The following RNF220 variants were observed in gnomAD, a reference collection of about 807,000 sequenced individuals.
RNF220 encodes the protein ring finger protein 220.
A neutral mutation model predicts 67.1 loss-of-function variants in RNF220; 7 were observed. The observed-to-expected ratio is 0.10, with a 90% CI of 0.06 to 0.20. RNF220 has a LOEUF of 0.20. RNF220 is among the 10% of genes least tolerant of loss of function. The probability of loss-of-function intolerance (pLI) is 1.00; values close to 1 mark genes in which losing one functional copy is unlikely to be tolerated. For missense variants in RNF220, 565 were observed against 740.3 expected, an observed-to-expected ratio of 0.76 and a Z score of 2.75; for synonymous variants, 270 against 283.2, an observed-to-expected ratio of 0.95 and a Z score of 0.47.
chr1:44,494,496 A>G (rs905144848), intron 2 of RNF220, among the ~76,000 whole-genome samples: 2 of 152,154 alleles, frequency 1.3e-5, no homozygotes, highest in African/African-American at 2.4e-5. Context: ...ATTTTTTTGC[A>G]TGGTACAGGC....
chr1:44,622,762 A>T lies in RNF220; in HGVS notation c.779A>T (p.Asp260Val). The T allele has an allele frequency of 6.2e-7, 1 of 1,613,986 alleles. No individual in the cohort carries two copies. The highest frequency in any genetic ancestry group is 8.5e-7 in the Non-Finnish European group (1 of 1,179,920). The change falls in exon 4 of 15, where the codon GAT (aspartate) becomes GTT (valine). Residue 260 changes from aspartate (D) to valine (V), a missense_variant. Transcript: ENST00000361799. The surrounding 1 kb of genome is among the most constrained non-coding windows in gnomAD (Gnocchi z 4.3). ...LPSSKNSLLK[D>V]AMAPGTPKSL... ...GGCAGCAAGAATTCCCTTCTGAAGG[A>T]TGCCATGGCTCCAGGCACCCCAAAG...
At chr1:44,427,021 A>G (rs779127536) in intron 2 of RNF220, among the ~76,000 whole-genome samples, 20 of 152,226 alleles carry the variant, frequency 1.3e-4, no homozygotes, top group Non-Finnish European at 2.9e-4. Flanking sequence ...TAATAATAAT[A>G]GCTGACACTT....
chr1:44,563,898 C>T (rs1298638191), intron 2 of RNF220, among the ~76,000 whole-genome samples: 1 of 152,166 alleles, frequency 6.6e-6, no homozygotes, highest in Non-Finnish European at 1.5e-5. Context: ...CCAGAGCTGA[C>T]ATCTCTTACA....
At chr1:44,519,008 G>A (rs1272258805) in intron 2 of RNF220, among the ~76,000 whole-genome samples, 1 of 151,490 alleles carries the variant, frequency 6.6e-6, no homozygotes, top group East Asian at 1.9e-4. Flanking sequence ...ATGAATGAAC[G>A]AACAAATGAA....
intron 2 of RNF220, among the ~76,000 whole-genome samples, chr1:44,563,787 G>A (rs768528743): frequency 1.3e-5 from 2 of 152,118 alleles, no homozygotes; most frequent in Non-Finnish European, 2.9e-5. Flanking sequence ...ACAGACTTAC[G>A]TCCGTGTTCT....
Position 44,650,482 on chromosome 1 carries a change from C to G in RNF220, c.1630-222C>G. 1.7e-6 allele frequency: 1 copy of G among 585,980 alleles called. No homozygotes were observed. Among genetic ancestry groups the G allele is most frequent in the Non-Finnish European group, 3.1e-6 (1 of 326,320 alleles). 36.3% of individuals were successfully genotyped at this position (585,980 alleles called of 1,614,324 possible). A position where few individuals can be genotyped will look rare whatever the true frequency, so the allele number is the denominator to read the frequency against. On this transcript the variant is annotated intron_variant, in intron 14 of 14. Transcript: ENST00000361799. This position sits in a 1 kb window ranked among gnomAD's most constrained non-coding sequence, Gnocchi z 4.3. The stretch of plus-strand genomic sequence containing the variant: ...CCCAGCCTTGTTCTCATTACTGGGG[C>G]TCCTGCTGCGGGGCTGGCCAGGCGG...
rs202135114 is a variant in RNF220 at position 44,451,630 on chromosome 1, AT to A, written c.625+38917del. 4.0e-4 allele frequency among the ~76,000 whole-genome samples: 60 copies of A among 150,446 alleles called. 1 individual carries two copies. The East Asian group carries it at 0.011, about 28-fold the overall frequency. On this transcript the variant is annotated intron_variant, in intron 2 of 14. Coordinates refer to ENST00000361799, the MANE Select transcript of RNF220 (RefSeq NM_018150.4). ...TCTTTTTTATTTTTGATTTTATTTT[AT>A]TTTTTTTTGAGACGGAGTCTGGCTC...
In RNF220 at chr1:44,621,733, T is replaced by A. The variant is rs1348753864; in HGVS notation, c.759-1009T>A. On this transcript the variant is annotated intron_variant, in intron 3 of 14. Transcript: ENST00000361799. This position sits in a 1 kb window ranked among gnomAD's most constrained non-coding sequence, Gnocchi z 4.8. ...ACTCGTTAAGTCCCTATGTGCCCCATGCATTCTGCCTTGGATGTGTGTCTG... is the reference window on the plus strand; with the variant it reads ...ACTCGTTAAGTCCCTATGTGCCCCAAGCATTCTGCCTTGGATGTGTGTCTG... Among the ~76,000 whole-genome samples, 1 of 152,198 alleles carries A rather than the reference T, an allele frequency of 6.6e-6. No individual in the cohort carries two copies. Among genetic ancestry groups the A allele is most frequent in the Non-Finnish European group, 1.5e-5 (1 of 68,034 alleles).
intron 2 of RNF220, among the ~76,000 whole-genome samples, chr1:44,559,302 C>T (rs572297885): frequency 6.6e-6 from 1 of 152,326 alleles, no homozygotes; most frequent in Non-Finnish European, 1.5e-5. Context: ...AGCAGGGCTT[C>T]CCCTCGGCCC....
chr1:44,457,606 T>G (rs965495895), intron 2 of RNF220, among the ~76,000 whole-genome samples: 1 of 151,704 alleles, frequency 6.6e-6, no homozygotes, highest in African/African-American at 2.4e-5. Context: ...ATGGTGGAAA[T>G]TAAAAGTATT....
rs767216789 is a variant in RNF220 at position 44,645,225 on chromosome 1, G to A, written c.1315G>A (p.Gly439Ser). The A allele has an allele frequency of 5.6e-6, 9 of 1,613,892 alleles. No homozygotes were observed. In the East Asian group the frequency reaches 6.7e-5, roughly 12 times the overall value. ...EALRGAVLNG[G>S]PPSTRITPEF... ...TTCCTCCCTCCTTTCCTCCAGTGGC[G>A]GCCCTCCCAGCACGCGCATCACACC... The change falls in exon 11 of 15, where the codon GGC becomes AGC. Residue 439 changes from glycine to serine, a missense_variant. Transcript: ENST00000361799. This position sits in a 1 kb window ranked among gnomAD's most constrained non-coding sequence, Gnocchi z 5.0.
chr1:44,629,876 G>T (rs1346984936), intron 5 of RNF220, among the ~76,000 whole-genome samples: 1 of 152,170 alleles, frequency 6.6e-6, no homozygotes. Context: ...GAACATAGAG[G>T]TGTAACAGAA....
At chr1:44,522,624 A>G (rs1660029592) in intron 2 of RNF220, among the ~76,000 whole-genome samples, 1 of 151,758 alleles carries the variant, frequency 6.6e-6, no homozygotes, top group Non-Finnish European at 1.5e-5. Flanking sequence ...GTAGAGACCA[A>G]TCTGAGCTTC....
At chr1:44,571,093 A>T (rs1256476358) in intron 2 of RNF220, among the ~76,000 whole-genome samples, 1 of 151,944 alleles carries the variant, frequency 6.6e-6, no homozygotes, top group African/African-American at 2.4e-5. Context: ...AAAAAAGATA[A>T]ATCAGATTAT....
At chr1:44,461,614 G>A (rs1321513418) in intron 2 of RNF220, among the ~76,000 whole-genome samples, 1 of 152,132 alleles carries the variant, frequency 6.6e-6, no homozygotes, top group Non-Finnish European at 1.5e-5. Flanking sequence ...GCCTGTCCTG[G>A]TATATAAATG....
intron 2 of RNF220, among the ~76,000 whole-genome samples, chr1:44,535,089 T>C (rs536433140): frequency 6.6e-6 from 1 of 151,884 alleles, no homozygotes; most frequent in South Asian, 2.1e-4. Context: ...AACAACTTCA[T>C]TACATTTCCT....
At chr1:44,580,562 G>T (rs565548236) in intron 2 of RNF220, among the ~76,000 whole-genome samples, 211 of 152,334 alleles carry the variant, frequency 1.4e-3, no homozygotes, top group Non-Finnish European at 2.6e-3. Flanking sequence ...CAAGCTGTGT[G>T]TGAACTTTCT....
intron 9 of RNF220, 47 bp downstream of exon 9, chr1:44,644,841 A>C: frequency 6.4e-7 from 1 of 1,558,746 alleles, no homozygotes; most frequent in South Asian, 1.1e-5. Context: ...TAGGGCAGGC[A>C]CAGGGAATAA....
At chr1:44,500,677 C>G (rs1025484940) in intron 2 of RNF220, among the ~76,000 whole-genome samples, 2 of 152,180 alleles carry the variant, frequency 1.3e-5, no homozygotes, top group Non-Finnish European at 2.9e-5. Flanking sequence ...AGGAGGTGTC[C>G]CAGGCTGCCT....
Sources: gnomAD v4.1 joint callset for allele counts (sites outside exome capture counted in the v4.1 genomes callset) on GRCh38, gnomAD v4.1.1 for gene constraint, Gnocchi (gnomAD v3.1) non-coding constraint, MANE v1.5 for transcripts, NCBI Gene and HGNC (gene_info 2026-07-23, HGNC 2026-07-21) for gene names.